ACACB: variants seen among roughly 807,000 people sequenced by gnomAD.
ACACB encodes the protein acetyl-CoA carboxylase beta, also known as acetyl-CoA carboxylase 2.
Under a neutral mutation model 278.8 loss-of-function variants are expected in ACACB, and 209 were observed. That is an observed-to-expected ratio of 0.75 (90% CI 0.67 to 0.84). The LOEUF is 0.84. Among genes scored for constraint, ACACB ranks in the 40% least tolerant of loss-of-function variants. The pLI is 0.00. For missense variants in ACACB, 2,850 were observed against 3,269.0 expected (o/e 0.87, Z 3.13); for synonymous variants, 1,174 against 1,285.6 (o/e 0.91, Z 1.86).
chr12:109,175,075 T>C (rs780759742), intron 7 of ACACB, among the ~76,000 whole-genome samples: 3 of 152,228 alleles, frequency 2.0e-5, no homozygotes, highest in Non-Finnish European at 4.4e-5. Context: ...ATTTAAAAAA[T>C]ATTCAAAGGA....
intron 38 of ACACB, 83 bp downstream of exon 38, chr12:109,245,831 G>A: frequency 6.5e-7 from 1 of 1,532,526 alleles, no homozygotes; most frequent in South Asian, 1.3e-5. Context: ...GCTCACACCT[G>A]TAATCCCAGT....
chr12:109,194,921 C>T (rs1020034210), intron 16 of ACACB, among the ~76,000 whole-genome samples: 4 of 152,072 alleles, frequency 2.6e-5, no homozygotes, highest in African/African-American at 9.7e-5. Flanking sequence ...TGGTTTTGTT[C>T]TCTGTCTCTG....
At position 109,260,657 on chromosome 12, in the gene ACACB, G is replaced by A; in HGVS notation, c.6674G>A (p.Arg2225Lys). The part of the protein sequence containing the change: ...CIEMYADKES[R>K]GGVLEPEGTV... ...GAAATGTATGCAGACAAAGAGAGCAGGTGGGTGTGTTGCCCTTAGCCTGGC... is the reference window on the plus strand; with the variant it reads ...GAAATGTATGCAGACAAAGAGAGCAAGTGGGTGTGTTGCCCTTAGCCTGGC... Residue 2225 changes from arginine (R) to lysine (K), a missense_variant and splice_region_variant, in exon 48 of 53, where the codon AGG becomes AAG. Physicochemically the swap from Arg to Lys is conservative, Grantham distance 26. Transcript: ENST00000338432. 1 of 1,563,394 alleles carries A rather than the reference G, an allele frequency of 6.4e-7. No homozygotes were observed. The highest frequency in any genetic ancestry group is 8.7e-7 in the Non-Finnish European group (1 of 1,155,346).
At chr12:109,264,127 C>A in intron 49 of ACACB, 105 bp from the exon 50 acceptor site, 3 of 1,319,702 alleles carry the variant, frequency 2.3e-6, no homozygotes, top group Non-Finnish European at 3.2e-6. Flanking sequence ...CAAGGCCTGT[C>A]CTGCAAATCC....
chr12:109,130,434 G>A (rs1175008577), intron 1 of ACACB, among the ~76,000 whole-genome samples: 1 of 152,182 alleles, frequency 6.6e-6, no homozygotes, highest in Non-Finnish European at 1.5e-5. Flanking sequence ...GACTTTGGCC[G>A]CCAATCATGC....
intron 37 of ACACB, among the ~76,000 whole-genome samples, chr12:109,243,768 T>A (rs903213540): frequency 2.6e-5 from 4 of 152,148 alleles, no homozygotes; most frequent in African/African-American, 7.2e-5. Context: ...TCTTCAAGTA[T>A]TTTTTATGCC....
intron 2 of ACACB, among the ~76,000 whole-genome samples, chr12:109,148,235 G>A (rs1454485571): frequency 6.6e-6 from 1 of 152,204 alleles, no homozygotes; most frequent in Non-Finnish European, 1.5e-5. Context: ...ATTACATGAT[G>A]TGGCAAAATC....
At chr12:109,114,565 C>T (rs1179239105), upstream of ACACB, among the ~76,000 whole-genome samples, 5 of 151,890 alleles carry the variant, frequency 3.3e-5, 1 homozygote, top group Non-Finnish European at 7.4e-5. Context: ...TTTTTTTGGG[C>T]CAGGTACAGT....
chr12:109,134,401 C>T (rs192026397), intron 1 of ACACB, among the ~76,000 whole-genome samples: 50 of 152,242 alleles, frequency 3.3e-4, no homozygotes, highest in East Asian at 1.2e-3. Flanking sequence ...TAGAGGGCCC[C>T]GTATGCCCTC....
chr12:109,114,548 T>C (rs1451224463), upstream of ACACB, among the ~76,000 whole-genome samples: 1 of 152,026 alleles, frequency 6.6e-6, no homozygotes, highest in Non-Finnish European at 1.5e-5. Context: ...TGTGGTCACT[T>C]AATAATTTTT....
chr12:109,215,657 C>T (rs1476707929), intron 22 of ACACB, among the ~76,000 whole-genome samples: 3 of 151,950 alleles, frequency 2.0e-5, no homozygotes, highest in East Asian at 1.9e-4. Context: ...CCCAGCTACT[C>T]GGGAGGCTGA....
chr12:109,189,844 C>T (rs1437610239), intron 13 of ACACB, among the ~76,000 whole-genome samples: 1 of 152,196 alleles, frequency 6.6e-6, no homozygotes, highest in East Asian at 1.9e-4. Flanking sequence ...GGCACAGTGG[C>T]TCATGCCTGT....
intron 31 of ACACB, 75 bp from the exon 32 acceptor site, chr12:109,235,238 T>C (rs2046600307): frequency 1.6e-6 from 2 of 1,234,720 alleles, no homozygotes; most frequent in African/African-American, 1.5e-5. Context: ...TTCATCCGTG[T>C]GGTAACATGC....
At chr12:109,249,896 T>C in intron 40 of ACACB, 88 bp from the exon 41 acceptor site, 1 of 1,487,236 alleles carries the variant, frequency 6.7e-7, no homozygotes, top group South Asian at 1.4e-5. Context: ...CTCACCTTGC[T>C]GCCCAGTCAG....
At chr12:109,187,617 A>G (rs2044709100) in intron 12 of ACACB, among the ~76,000 whole-genome samples, 1 of 151,478 alleles carries the variant, frequency 6.6e-6, no homozygotes. Context: ...GTGCCACCAC[A>G]CCTGGCTAAT....
At chr12:109,227,619 C>A (rs1489976397) in intron 28 of ACACB, 130 bp downstream of exon 28, 7 of 820,350 alleles carry the variant, frequency 8.5e-6, no homozygotes, top group Non-Finnish European at 1.4e-5. Flanking sequence ...ATAAGCACTT[C>A]CCCTGTGGGA....
intron 2 of ACACB, among the ~76,000 whole-genome samples, chr12:109,144,500 C>T (rs145756234): frequency 5.5e-4 from 83 of 152,202 alleles, no homozygotes; most frequent in Admixed American, 1.3e-3. Flanking sequence ...AACACCCAAG[C>T]AGTTTTGGGT....
rs749302696 is a variant in ACACB, at chr12:109,233,795, C to A, written c.4187C>A (p.Thr1396Asn). The stretch of plus-strand genomic sequence containing the variant: ...TGCTTCGCCAACGTGCCCAAAGACA[C>A]CCCCCTCTTCAGCGAGGCCCGCACC... ...ISCFANVPKDTPLFSEARTSL... is the reference protein window; with the variant it reads ...ISCFANVPKDNPLFSEARTSL... The change falls in exon 30 of 53, where the codon ACC becomes AAC. Residue 1396 changes from threonine (T) to asparagine (N), a missense_variant. Around this residue, in one of 3 missense-constraint regions of ACACB, gnomAD observed 2,265 missense variants for 2,561.3 expected, o/e 0.88. Transcript: ENST00000338432. 1 of 1,614,150 alleles carries A rather than the reference C, an allele frequency of 6.2e-7. No individual in the cohort carries two copies. The highest frequency in any genetic ancestry group is 8.5e-7 in the Non-Finnish European group (1 of 1,180,028).
At chr12:109,210,293 G>GTA (rs1486738211) in intron 21 of ACACB, among the ~76,000 whole-genome samples, 3 of 59,998 alleles carry the variant, frequency 5.0e-5, no homozygotes, top group African/African-American at 2.2e-4. Context: ...ATATCTGTGT[G>GTA]TATATGTATA....
Sources: gnomAD v4.1 joint callset for allele counts (sites outside exome capture counted in the v4.1 genomes callset) on GRCh38, gnomAD v4.1.1 for gene constraint, gnomAD v4.1.1 regional missense constraint, MANE v1.5 for transcripts, NCBI Gene and HGNC (gene_info 2026-07-23, HGNC 2026-07-21) for gene names.